RABGAP1L: variants seen among roughly 807,000 people sequenced by gnomAD.
RABGAP1L encodes RAB GTPase activating protein 1 like, also known as rab GTPase-activating protein 1-like.
RABGAP1L carries 63 observed loss-of-function variants against 137.7 expected under a neutral mutation model. The ratio of observed to expected loss-of-function variants is 0.46; its 90% CI spans 0.37 to 0.56. RABGAP1L has a LOEUF of 0.56. Ranked by LOEUF, RABGAP1L falls within the 20% of genes least tolerant of loss-of-function variation. The probability of loss-of-function intolerance (pLI) is 0.00; values close to 1 mark genes in which losing one functional copy is unlikely to be tolerated. For synonymous variants in RABGAP1L, 431 were observed against 433.7 expected (o/e 0.99, Z 0.08); for missense variants, 1,095 against 1,244.0 (o/e 0.88, Z 1.80).
At chr1:174,618,555 A>T (rs1266761614) in intron 13 of RABGAP1L, among the ~76,000 whole-genome samples, 1 of 152,184 alleles carries the variant, frequency 6.6e-6, no homozygotes, top group Admixed American at 6.5e-5. Flanking sequence ...ACTCCCACAA[A>T]CTCCAATAGA....
intron 1 of RABGAP1L, among the ~76,000 whole-genome samples, chr1:174,205,530 C>T (rs1293683875): frequency 6.6e-6 from 1 of 151,810 alleles, no homozygotes; most frequent in Non-Finnish European, 1.5e-5. Context: ...CATATGTGTC[C>T]AGGAATTTAT....
intron 14 of RABGAP1L, among the ~76,000 whole-genome samples, chr1:174,640,923 AAT>A (rs1300869230): frequency 1.4e-5 from 2 of 147,808 alleles, no homozygotes; most frequent in Non-Finnish European, 3.0e-5. Context: ...TTTTTTTTAA[AAT>A]AGTGTTTTCT....
intron 19 of RABGAP1L, among the ~76,000 whole-genome samples, chr1:174,900,330 G>A (rs185091151): frequency 7.4e-4 from 112 of 152,304 alleles, no homozygotes; most frequent in African/African-American, 2.3e-3. Context: ...TTTCAATACT[G>A]TAGAGGTTTC....
At chr1:174,877,964 C>T (rs2149076239) in intron 19 of RABGAP1L, among the ~76,000 whole-genome samples, 1 of 152,304 alleles carries the variant, frequency 6.6e-6, no homozygotes, top group South Asian at 2.1e-4. Flanking sequence ...ATAACATCAT[C>T]TGAGAATTGA....
At chr1:174,159,931 G>A (rs1338214332) in intron 1 of RABGAP1L, 1 of 152,272 alleles carries the variant, frequency 6.6e-6, no homozygotes, top group Non-Finnish European at 1.5e-5. Flanking sequence ...GGGTGGGGTA[G>A]TGGCTTTGGC....
intron 19 of RABGAP1L, among the ~76,000 whole-genome samples, chr1:174,908,253 A>G (rs1198651096): frequency 1.3e-5 from 2 of 152,200 alleles, no homozygotes; most frequent in Non-Finnish European, 2.9e-5. Flanking sequence ...CAGACAGAAA[A>G]TTAGCAAAGA....
intron 16 of RABGAP1L, 71 bp downstream of exon 16, chr1:174,699,721 TA>T (rs1679509052): frequency 2.2e-6 from 3 of 1,393,360 alleles, no homozygotes; most frequent in Admixed American, 4.3e-5. Flanking sequence ...ATAGAGTTGG[TA>T]AGCAATAATG....
chr1:174,837,374 A>T (rs1235654166), intron 19 of RABGAP1L, among the ~76,000 whole-genome samples: 1 of 152,190 alleles, frequency 6.6e-6, no homozygotes, highest in Non-Finnish European at 1.5e-5. Context: ...TTGTGTAAGG[A>T]TCTTAAGTTG....
chr1:174,535,996 T>C (rs1158759584), intron 13 of RABGAP1L, among the ~76,000 whole-genome samples: 1 of 152,198 alleles, frequency 6.6e-6, no homozygotes, highest in East Asian at 1.9e-4. Context: ...GTGAAATGAA[T>C]GTGATAGCAT....
At chr1:174,220,760 A>G in intron 2 of RABGAP1L, 1 of 366,632 alleles carries the variant, frequency 2.7e-6, no homozygotes, top group Non-Finnish European at 4.8e-6. Flanking sequence ...TTTTATAAAG[A>G]ATCCTTTTGT....
At position 174,172,176 on chromosome 1, in the gene RABGAP1L, TTGTGTGTGTGTG is replaced by T. The variant is rs34345014; in HGVS notation, c.-34+12549_-34+12560del. On this transcript the variant is annotated intron_variant, in intron 1 of 25. Coordinates refer to ENST00000681986, the MANE Select transcript of RABGAP1L (RefSeq NM_001366446.1). ...TTTTTTAAGGCTGAATAATATTCCC[TTGTGTGTGTGTG>T]TGTGTGTGTGTGTGTGTGTGTGTGT... Among the ~76,000 whole-genome samples, 43 of 123,610 alleles carry T rather than the reference TTGTGTGTGTGTG, an allele frequency of 3.5e-4. 1 individual carries two copies. The highest frequency in any genetic ancestry group is 1.3e-3 in the Admixed American group (15 of 11,672). The allele number at this position is 123,610 out of a possible 152,430, so 81.1% of individuals were successfully genotyped here.
chr1:174,613,915 T>G (rs1178856548), intron 13 of RABGAP1L, among the ~76,000 whole-genome samples: 2 of 152,138 alleles, frequency 1.3e-5, no homozygotes, highest in Non-Finnish European at 2.9e-5. Context: ...GCTTGGTAGA[T>G]CTTCCTCCAT....
At chr1:174,914,886 A>G (rs1046456557) in intron 19 of RABGAP1L, among the ~76,000 whole-genome samples, 1 of 152,220 alleles carries the variant, frequency 6.6e-6, no homozygotes, top group African/African-American at 2.4e-5. Flanking sequence ...GAATGTATGT[A>G]TAAATGGAAC....
rs28854890 is a variant in RABGAP1L at position 174,619,662 on chromosome 1, A to C, written c.1711-17713A>C. On this transcript the variant is annotated intron_variant, in intron 13 of 25. Coordinates refer to ENST00000681986, the MANE Select transcript of RABGAP1L (RefSeq NM_001366446.1). ...AAGCGCTAAACATGGAAAGGAACAA[A>C]CAGTACCAGCCACTGCAAAATCATG... Among the ~76,000 whole-genome samples the C allele has an allele frequency of 1.3e-3, 204 of 151,644 alleles. 1 individual carries two copies. The highest frequency in any genetic ancestry group is 2.5e-3 in the African/African-American group (101 of 41,204).
intron 13 of RABGAP1L, among the ~76,000 whole-genome samples, chr1:174,619,089 A>T (rs1284308927): frequency 6.6e-6 from 1 of 152,210 alleles, no homozygotes; most frequent in Non-Finnish European, 1.5e-5. Flanking sequence ...AAGTTTAGAG[A>T]AAAAAGAATA....
intron 13 of RABGAP1L, among the ~76,000 whole-genome samples, chr1:174,456,370 C>T (rs1355840166): frequency 1.3e-5 from 2 of 151,964 alleles, no homozygotes; most frequent in Non-Finnish European, 2.9e-5. Context: ...ATGAAGACAT[C>T]AAAATCACGT....
At chr1:174,397,421 T>A (rs1423469365) in intron 13 of RABGAP1L, among the ~76,000 whole-genome samples, 1 of 152,122 alleles carries the variant, frequency 6.6e-6, no homozygotes, top group African/African-American at 2.4e-5. Context: ...GGTTACTGTT[T>A]CCTGTGGTTT....
chr1:174,444,091 T>C (rs1654464458), intron 13 of RABGAP1L, among the ~76,000 whole-genome samples: 2 of 152,052 alleles, frequency 1.3e-5, no homozygotes, highest in Non-Finnish European at 2.9e-5. Flanking sequence ...TTGTAGTGTA[T>C]TTGGAGTCAG....
intron 17 of RABGAP1L, among the ~76,000 whole-genome samples, chr1:174,733,765 A>G (rs1682704704): frequency 6.6e-6 from 1 of 152,208 alleles, no homozygotes; most frequent in Admixed American, 6.5e-5. Flanking sequence ...ATAGGATTTG[A>G]TGTCTCCCTT....
Sources: allele counts gnomAD v4.1 joint callset (sites outside exome capture counted in the v4.1 genomes callset), GRCh38; gene constraint gnomAD v4.1.1; transcripts MANE v1.5; gene names NCBI Gene and HGNC (gene_info 2026-07-23, HGNC 2026-07-21).